NPAS3: variants seen among roughly 807,000 people sequenced by gnomAD.
NPAS3 encodes the protein neuronal PAS domain-containing protein 3.
Under a neutral mutation model 73.1 loss-of-function variants are expected in NPAS3, and 14 were observed. That is an observed-to-expected ratio of 0.19 (90% CI 0.13 to 0.30). NPAS3 has a LOEUF of 0.30. Ranked by LOEUF, NPAS3 falls within the 10% of genes least tolerant of loss-of-function variation. NPAS3 has a pLI of 1.00. For missense variants in NPAS3, 1,096 were observed against 1,250.0 expected (o/e 0.88, Z 1.86); for synonymous variants, 620 against 541.5 (o/e 1.14, Z -2.01).
In NPAS3 at chr14:33,751,022, C is replaced by T. The variant is rs993144054; in HGVS notation, c.852+15690C>T. ...AATGGTATCAATAAAGAGATGAAGG[C>T]ATCAAGTGTAGTGAGCAGAAAGAAA... On this transcript the variant is annotated intron_variant, in intron 7 of 11. Transcript: ENST00000356141. 4.6e-5 allele frequency among the ~76,000 whole-genome samples: 7 copies of T among 152,168 alleles called. 1 individual carries two copies. The South Asian group carries it at 1.5e-3, about 32-fold the overall frequency.
At chr14:33,475,857 G>A (rs571435918) in intron 4 of NPAS3, among the ~76,000 whole-genome samples, 1 of 152,262 alleles carries the variant, frequency 6.6e-6, no homozygotes, top group South Asian at 2.1e-4. Flanking sequence ...ACCAGAGGGG[G>A]CATGGACCAG....
In NPAS3 at chr14:33,784,007, C is replaced by T. The variant is rs1313433611; in HGVS notation, c.1153+5435C>T. On this transcript the variant is annotated intron_variant, in intron 9 of 11. Transcript: ENST00000356141. ...AAAAGGTGAGTAGTGAAATAACTCT[C>T]AGGGTACTCGATCAGTATTCCAATG... Among the ~76,000 whole-genome samples the T allele has an allele frequency of 3.3e-5, 5 of 152,300 alleles. No homozygotes were observed. The East Asian group carries it at 7.7e-4, about 23-fold the overall frequency.
rs13379448 is a variant in NPAS3, at chr14:33,206,147, A to G, written c.141-9035A>G. Among the ~76,000 whole-genome samples, 1,042 of 152,268 alleles carry G rather than the reference A, an allele frequency of 6.8e-3. 14 individuals are homozygous for G. The highest frequency in any genetic ancestry group is 0.024 in the African/African-American group (1,006 of 41,554). ...AAATTAAATAAAAATTTTATCAGTGACTTAATTGTCATATAATTATAATAG... is the reference window on the plus strand; with the variant it reads ...AAATTAAATAAAAATTTTATCAGTGGCTTAATTGTCATATAATTATAATAG... On this transcript the variant is annotated intron_variant, in intron 2 of 11. Coordinates refer to ENST00000356141, the Ensembl canonical transcript of NPAS3.
intron 4 of NPAS3, among the ~76,000 whole-genome samples, chr14:33,452,725 A>G (rs541978604): frequency 2.5e-4 from 35 of 142,474 alleles, no homozygotes; most frequent in African/African-American, 9.4e-4. Flanking sequence ...CAGTGAGCCC[A>G]GATCGTGCCA....
chr14:33,781,044 T>G (rs78825314), intron 9 of NPAS3, among the ~76,000 whole-genome samples: 1 of 152,334 alleles, frequency 6.6e-6, no homozygotes, highest in East Asian at 1.9e-4. Context: ...TAATTCTGCA[T>G]AGTAAAATAC....
At chr14:33,730,071 C>A (rs955845564) in intron 6 of NPAS3, among the ~76,000 whole-genome samples, 1 of 151,852 alleles carries the variant, frequency 6.6e-6, no homozygotes, top group South Asian at 2.1e-4. Flanking sequence ...TAATAATATA[C>A]CCAGAATAAA....
chr14:33,619,332 C>T (rs1018269092), intron 5 of NPAS3, among the ~76,000 whole-genome samples: 4 of 152,014 alleles, frequency 2.6e-5, no homozygotes, highest in African/African-American at 9.7e-5. Context: ...TGCAAAAACT[C>T]ATTAATAGAA....
intron 8 of NPAS3, among the ~76,000 whole-genome samples, chr14:33,777,942 G>C (rs753012673): frequency 6.6e-6 from 1 of 152,176 alleles, no homozygotes; most frequent in South Asian, 2.1e-4. Flanking sequence ...ATACCCCCAG[G>C]CATCTGTATG....
chr14:33,267,178 A>G lies in NPAS3; in HGVS notation c.385+51752A>G, dbSNP rs368997274. 2.4e-4 allele frequency among the ~76,000 whole-genome samples: 37 copies of G among 152,274 alleles called. 2 individuals are homozygous for G. The highest frequency in any genetic ancestry group is 6.8e-3 in the Middle Eastern group (2 of 294). Reference sequence around the variant, plus strand: ...ACAATTCACATTGTATAATTTTAAGACTTTGGGGAAGCTGGGCATATCAAG... The same window carrying G: ...ACAATTCACATTGTATAATTTTAAGGCTTTGGGGAAGCTGGGCATATCAAG... On this transcript the variant is annotated intron_variant, in intron 3 of 11. Coordinates refer to ENST00000356141, the Ensembl canonical transcript of NPAS3.
chr14:32,966,100 A>G (rs899514254), intron 1 of NPAS3, among the ~76,000 whole-genome samples: 1 of 152,192 alleles, frequency 6.6e-6, no homozygotes, highest in African/African-American at 2.4e-5. Context: ...TGGAAGAATT[A>G]ATATTATTAA....
Position 33,478,083 on chromosome 14 carries a change from A to G in NPAS3, c.469-82038A>G, listed in dbSNP as rs374089902. Among the ~76,000 whole-genome samples the G allele has an allele frequency of 3.3e-5, 5 of 152,296 alleles. No homozygotes were observed. In the East Asian group the frequency reaches 9.7e-4, roughly 30 times the overall value. ...TCGCATGCCCTCTGGGTAGAGGCAG[A>G]GCCTCCAGCAGGAAAAATTAGGGAA... On this transcript the variant is annotated intron_variant, in intron 4 of 11. Coordinates refer to ENST00000356141, the Ensembl canonical transcript of NPAS3.
intron 4 of NPAS3, among the ~76,000 whole-genome samples, chr14:33,498,422 G>C (rs2052322483): frequency 6.6e-6 from 1 of 152,096 alleles, no homozygotes; most frequent in African/African-American, 2.4e-5. Flanking sequence ...ATTCACAATA[G>C]CAAAGTCTTG....
intron 1 of NPAS3, among the ~76,000 whole-genome samples, chr14:33,046,506 G>A (rs1421634500): frequency 1.3e-5 from 2 of 152,156 alleles, no homozygotes; most frequent in African/African-American, 4.8e-5. Flanking sequence ...ACTAAGAATA[G>A]GGCACTGTGA....
chr14:33,603,375 C>T (rs979370540), intron 5 of NPAS3, among the ~76,000 whole-genome samples: 5 of 152,198 alleles, frequency 3.3e-5, no homozygotes, highest in African/African-American at 9.6e-5. Context: ...GCCTAATATC[C>T]GTGTAAGTCC....
intron 1 of NPAS3, among the ~76,000 whole-genome samples, chr14:32,983,364 T>C (rs1822725935): frequency 6.6e-6 from 1 of 152,186 alleles, no homozygotes; most frequent in Admixed American, 6.5e-5. Flanking sequence ...TTTATATTGA[T>C]GGAATGATTT....
chr14:33,376,981 C>T (rs1002752381), intron 4 of NPAS3, among the ~76,000 whole-genome samples: 1 of 152,072 alleles, frequency 6.6e-6, no homozygotes, highest in African/African-American at 2.4e-5. Context: ...AAGAAAAATC[C>T]TGATGCTTAT....
intron 1 of NPAS3, among the ~76,000 whole-genome samples, chr14:32,979,717 A>AT (rs1256576025): frequency 6.6e-6 from 1 of 152,022 alleles, no homozygotes; most frequent in Non-Finnish European, 1.5e-5. Flanking sequence ...AAGAAAGAAC[A>AT]TTTTCCCAAA....
At chr14:33,403,041 A>G (rs1410882589) in intron 4 of NPAS3, among the ~76,000 whole-genome samples, 1 of 152,116 alleles carries the variant, frequency 6.6e-6, no homozygotes, top group Non-Finnish European at 1.5e-5. Context: ...GGGGCTTAAA[A>G]ATTTCTAAAT....
At chr14:33,281,437 C>T (rs139598779) in intron 3 of NPAS3, among the ~76,000 whole-genome samples, 82 of 152,198 alleles carry the variant, frequency 5.4e-4, no homozygotes, top group Non-Finnish European at 9.9e-4. Flanking sequence ...TCGAGACCAG[C>T]CTGGGCAACA....
Sources: allele counts gnomAD v4.1 joint callset (sites outside exome capture counted in the v4.1 genomes callset), GRCh38; gene constraint gnomAD v4.1.1; transcripts MANE v1.5; gene names NCBI Gene and HGNC (gene_info 2026-07-23, HGNC 2026-07-21).